Variants in RARB observed in about 807,000 individuals in gnomAD.
RARB encodes HBV-activated protein.
Under a neutral mutation model 51.9 loss-of-function variants are expected in RARB, and 17 were observed. The ratio of observed to expected loss-of-function variants is 0.33; its 90% CI spans 0.22 to 0.49. The LOEUF (loss-of-function observed/expected upper bound fraction) is 0.49. Ranked by LOEUF, RARB falls within the 20% of genes least tolerant of loss-of-function variation. RARB has a pLI of 0.99. For missense variants in RARB, 369 were observed against 550.8 expected, an observed-to-expected ratio of 0.67 and a Z score of 3.30; for synonymous variants, 215 against 195.4, an observed-to-expected ratio of 1.10 and a Z score of -0.84.
At chr3:25,106,892 C>T (rs1411385866) in intron 3 of RARB, among the ~76,000 whole-genome samples, 1 of 118,786 alleles carries the variant, frequency 8.4e-6, no homozygotes, top group Non-Finnish European at 1.8e-5. Context: ...TGTTTGTGTT[C>T]CTTCTGCATT....
At chr3:25,301,618 C>G (rs1704040511) in intron 5 of RARB, among the ~76,000 whole-genome samples, 1 of 152,118 alleles carries the variant, frequency 6.6e-6, no homozygotes, top group Non-Finnish European at 1.5e-5. Flanking sequence ...GGTGTTCCAT[C>G]TACCATCTTA....
At chr3:25,104,309 T>C (rs1469894709) in intron 3 of RARB, among the ~76,000 whole-genome samples, 1 of 152,098 alleles carries the variant, frequency 6.6e-6, no homozygotes, top group African/African-American at 2.4e-5. Context: ...TTTGGAAATC[T>C]CTCACTATCT....
chr3:25,336,963 G>A (rs74766083), intron 5 of RARB, among the ~76,000 whole-genome samples: 8,687 of 152,224 alleles, frequency 0.057, 269 homozygotes, highest in African/African-American at 0.069. Context: ...TGGGCAGAGT[G>A]TGTGGACGAG....
chr3:24,868,230 G>C (rs866200734), intron 2 of RARB, among the ~76,000 whole-genome samples: 1 of 152,010 alleles, frequency 6.6e-6, no homozygotes, highest in Non-Finnish European at 1.5e-5. Flanking sequence ...GCTATTGTCT[G>C]GATATAGAAA....
chr3:24,900,384 G>A (rs1343276346), intron 2 of RARB, among the ~76,000 whole-genome samples: 1 of 152,152 alleles, frequency 6.6e-6, no homozygotes, highest in East Asian at 1.9e-4. Flanking sequence ...TTTGAAATAT[G>A]ACCTCACTTG....
intron 1 of RARB, among the ~76,000 whole-genome samples, chr3:24,835,993 T>C (rs897712634): frequency 9.2e-5 from 14 of 152,192 alleles, no homozygotes; most frequent in African/African-American, 3.4e-4. Flanking sequence ...TGGGATGACC[T>C]AAGCATCATG....
At chr3:25,032,219 C>A (rs6782447) in intron 2 of RARB, among the ~76,000 whole-genome samples, 12,750 of 152,232 alleles carry the variant, frequency 0.084, 709 homozygotes, top group Non-Finnish European at 0.13. Context: ...TAAAAGACAT[C>A]CGCAATCAGT....
intron 4 of RARB, among the ~76,000 whole-genome samples, chr3:25,172,848 A>G (rs1214967353): frequency 6.6e-6 from 1 of 152,204 alleles, no homozygotes; most frequent in Non-Finnish European, 1.5e-5. Flanking sequence ...ACTTCATTTA[A>G]TCCTCACAAT....
intron 3 of RARB, among the ~76,000 whole-genome samples, chr3:25,068,000 A>ACACC (rs1270975159): frequency 2.1e-4 from 32 of 151,640 alleles, no homozygotes; most frequent in Non-Finnish European, 3.4e-4. Context: ...AGCTGCACAC[A>ACACC]GTGCCGCACA....
chr3:25,275,133 C>G (rs1703350700), intron 5 of RARB, among the ~76,000 whole-genome samples: 1 of 152,130 alleles, frequency 6.6e-6, no homozygotes, highest in South Asian at 2.1e-4. Flanking sequence ...TAGTGGTGAC[C>G]ACATCATACC....
At chr3:25,388,656 A>G (rs2125485304) in intron 5 of RARB, among the ~76,000 whole-genome samples, 1 of 152,322 alleles carries the variant, frequency 6.6e-6, no homozygotes, top group South Asian at 2.1e-4. Flanking sequence ...TTTGATACAG[A>G]ATTTTTTGTC....
At chr3:25,182,404 C>G (rs944584751) in intron 5 of RARB, among the ~76,000 whole-genome samples, 12 of 152,286 alleles carry the variant, frequency 7.9e-5, no homozygotes, top group African/African-American at 2.4e-4. Context: ...CCAGGGAAAG[C>G]AGGAAAGTTT....
chr3:25,353,516 A>AT (rs1705640192), intron 5 of RARB, among the ~76,000 whole-genome samples: 3 of 149,602 alleles, frequency 2.0e-5, no homozygotes, highest in African/African-American at 7.4e-5. Flanking sequence ...TTCACTGGTA[A>AT]TTTTTTCTCT....
chr3:25,187,170 A>T (rs1700998458), intron 5 of RARB, among the ~76,000 whole-genome samples: 1 of 152,030 alleles, frequency 6.6e-6, no homozygotes, highest in Non-Finnish European at 1.5e-5. Context: ...TGGTGAGAGG[A>T]AGAAGACAAT....
chr3:25,201,517 A>C (rs1377132015), intron 5 of RARB, among the ~76,000 whole-genome samples: 2 of 152,182 alleles, frequency 1.3e-5, no homozygotes, highest in African/African-American at 4.8e-5. Flanking sequence ...CCAGTTTTCA[A>C]AGGGAATGCT....
At chr3:25,116,597 T>G (rs1216008296) in intron 3 of RARB, among the ~76,000 whole-genome samples, 1 of 151,950 alleles carries the variant, frequency 6.6e-6, no homozygotes, top group African/African-American at 2.4e-5. Flanking sequence ...AAGAAAAGGC[T>G]TCTGCCTTCT....
At chr3:25,126,547 T>C (rs1277531652) in intron 3 of RARB, among the ~76,000 whole-genome samples, 2 of 152,174 alleles carry the variant, frequency 1.3e-5, no homozygotes, top group East Asian at 1.9e-4. Flanking sequence ...TCTTTGCACC[T>C]GCATTTCAAA....
chr3:24,986,489 T>C (rs1696796840), intron 2 of RARB, among the ~76,000 whole-genome samples: 1 of 152,220 alleles, frequency 6.6e-6, no homozygotes, highest in African/African-American at 2.4e-5. Context: ...CTTAGCTGTT[T>C]GTTGATTACT....
chr3:25,532,509 G>T (rs148406724), intron 3 of RARB, among the ~76,000 whole-genome samples: 2 of 152,274 alleles, frequency 1.3e-5, no homozygotes, highest in Admixed American at 6.5e-5. Flanking sequence ...AGCAAAAGAC[G>T]GAAGAGTATT....
Sources: gnomAD v4.1 joint callset for allele counts (sites outside exome capture counted in the v4.1 genomes callset) on GRCh38, gnomAD v4.1.1 for gene constraint, MANE v1.5 for transcripts, NCBI Gene and HGNC (gene_info 2026-07-23, HGNC 2026-07-21) for gene names.